The following PLEKHJ1 variants were observed in gnomAD, a reference collection of about 807,000 sequenced individuals.
PLEKHJ1 encodes the protein pleckstrin homology domain containing J1.
A neutral mutation model predicts 21.7 loss-of-function variants in PLEKHJ1; 20 were observed. The observed-to-expected ratio is 0.92, with a 90% CI of 0.65 to 1.34. The LOEUF (loss-of-function observed/expected upper bound fraction) is 1.34, where lower values mean the gene tolerates loss of function less well. PLEKHJ1 is among the 40% of genes most tolerant of loss of function. The probability of loss-of-function intolerance (pLI) is 0.00; values close to 1 mark genes in which losing one functional copy is unlikely to be tolerated. For missense variants in PLEKHJ1, 241 were observed against 202.0 expected (o/e 1.19, Z -1.17); for synonymous variants, 113 against 80.6 (o/e 1.40, Z -2.15).
downstream of PLEKHJ1, chr19:2,230,587 G>A: frequency 2.5e-6 from 1 of 398,704 alleles, no homozygotes; most frequent in African/African-American, 2.1e-5. Flanking sequence ...ATGCGGGGCA[G>A]GCCTGTCGTG....
In PLEKHJ1 at chr19:2,236,002, G is replaced by A. The variant is rs542705190; in HGVS notation, c.95-12C>T. 6.2e-7 allele frequency: 1 copy of A among 1,602,750 alleles called. No homozygotes were observed. Among genetic ancestry groups the A allele is most frequent in the South Asian group, 1.1e-5 (1 of 89,916 alleles). On this transcript the variant is annotated splice_polypyrimidine_tract_variant and intron_variant, in intron 1 of 5. Coordinates refer to ENST00000326631, the MANE Select transcript of PLEKHJ1 (RefSeq NM_018049.3). ...CCGCCGCTTCAGCACTGCGGGCACA[G>A]CGCGCACTCAGGGGCGCAGGCAGCC...
In PLEKHJ1 at chr19:2,234,281, C is replaced by T. The variant is rs2024717208; in HGVS notation, c.230-41G>A. 7 of 1,492,492 alleles carry T rather than the reference C, an allele frequency of 4.7e-6. No individual in the cohort carries two copies. The Middle Eastern group carries it at 5.2e-4, about 110-fold the overall frequency. The allele number at this position is 1,492,492 out of a possible 1,614,324, so 92.5% of individuals were successfully genotyped here. On this transcript the variant is annotated intron_variant, in intron 3 of 5. Coordinates refer to ENST00000326631, the MANE Select transcript of PLEKHJ1 (RefSeq NM_018049.3). The stretch of plus-strand genomic sequence containing the variant: ...CTGTGGTCGGTCCTACCCACAGCCA[C>T]AAGCAGCTTCCTCTTGCCATTGCCC...
At chr19:2,234,427 G>A in intron 3 of PLEKHJ1, 187 bp from the exon 4 acceptor site, 1 of 572,002 alleles carries the variant, frequency 1.7e-6, no homozygotes, top group South Asian at 2.3e-5. Flanking sequence ...AAATGAGGTT[G>A]TCGCCAGGTG....
At chr19:2,236,052 C>A in intron 1 of PLEKHJ1, 62 bp from the exon 2 acceptor site, 1 of 1,473,926 alleles carries the variant, frequency 6.8e-7, no homozygotes, top group Admixed American at 2.6e-5. Context: ...GGCCTCCCGT[C>A]CCCGGCGCCC....
At chr19:2,235,700 G>A (rs1270953652) in intron 3 of PLEKHJ1, 62 bp downstream of exon 3, 2 of 1,458,970 alleles carry the variant, frequency 1.4e-6, no homozygotes, top group Non-Finnish European at 1.9e-6. Context: ...GGAGGGGAAA[G>A]TGCGGCGCTG....
At position 2,233,893 on chromosome 19, in the gene PLEKHJ1, G is replaced by C; in HGVS notation, c.397C>G (p.Gln133Glu). 1 of 1,612,624 alleles carries C rather than the reference G, an allele frequency of 6.2e-7. No individual in the cohort carries two copies. Among genetic ancestry groups the C allele is most frequent in the Non-Finnish European group, 8.5e-7 (1 of 1,179,854 alleles). ...RKVTGKDPLE[Q>E]FGISEEARFQ... is the part of the protein sequence containing the mutation. ...CTGGCCTCCTCGGATATGCCGAACTGTTCCAGGGGGTCCTGTGGGGAGGAC... is the reference window on the plus strand; with the variant it reads ...CTGGCCTCCTCGGATATGCCGAACTCTTCCAGGGGGTCCTGTGGGGAGGAC... The change falls in exon 6 of 6, where the codon CAG (glutamine) becomes GAG (glutamate). Residue 133 changes from glutamine (Q) to glutamate (E), a missense_variant. By Grantham distance (29) the Gln-to-Glu change is conservative. Transcript: ENST00000326631.
At chr19:2,236,021 G>C in intron 1 of PLEKHJ1, 31 bp from the exon 2 acceptor site, 1 of 1,584,168 alleles carries the variant, frequency 6.3e-7, no homozygotes, top group Non-Finnish European at 8.6e-7. Context: ...CAGGGGCGCA[G>C]GCAGCCCCCG....
Position 2,235,778 on chromosome 19 carries a change from G to A in PLEKHJ1, c.213C>T (p.Pro71=), listed in dbSNP as rs2024789583. ...LERCRVVREE[P]GTFSISFIED... Reference sequence around the variant, plus strand: ...CCCACTCACTGATGGAGAAGGTGCCGGGCTCTTCCCGGACGACTCTGCAGC... The same window carrying A: ...CCCACTCACTGATGGAGAAGGTGCCAGGCTCTTCCCGGACGACTCTGCAGC... The change falls in exon 3 of 6, where the codon CCC becomes CCT. Residue 71 remains proline (P), a synonymous_variant. Coordinates refer to ENST00000326631, the MANE Select transcript of PLEKHJ1 (RefSeq NM_018049.3). 1.3e-6 allele frequency: 2 copies of A among 1,549,174 alleles called. No individual in the cohort carries two copies. The highest frequency in any genetic ancestry group is 1.2e-5 in the South Asian group (1 of 84,096).
At chr19:2,235,085 G>A (rs188886253) in intron 3 of PLEKHJ1, 2 of 152,294 alleles carry the variant, frequency 1.3e-5, no homozygotes, top group African/African-American at 2.4e-5. Flanking sequence ...CTGTGTAGAA[G>A]GGGAAATGTG....
In PLEKHJ1 at chr19:2,236,228, C is replaced by A; in HGVS notation, c.21G>T (p.Glu7Asp). The change falls in exon 1 of 6, where the codon GAG becomes GAT. Residue 7 changes from glutamate to aspartate, a missense_variant. By Grantham distance (45) the Glu-to-Asp change is conservative. Transcript: ENST00000326631. Reference sequence around the variant, plus strand: ...CCGGCTGCCGGGACAGAGCCTGCAGCTCCTTCTCGTTGTACCGCATGGCTC... The same window carrying A: ...CCGGCTGCCGGGACAGAGCCTGCAGATCCTTCTCGTTGTACCGCATGGCTC... MRYNEKELQALSRQPAE... is the reference protein window; with the variant it reads MRYNEKDLQALSRQPAE... 1 of 1,459,678 alleles carries A rather than the reference C, an allele frequency of 6.9e-7. No homozygotes were observed. The highest frequency in any genetic ancestry group is 2.9e-5 in the East Asian group (1 of 34,130). The allele number at this position is 1,459,678 out of a possible 1,614,324, so 90.4% of individuals were successfully genotyped here.
At position 2,234,214 on chromosome 19, in the gene PLEKHJ1, A is replaced by G. The variant is rs1368509667; in HGVS notation, c.256T>C (p.Tyr86His). 1.2e-6 allele frequency: 2 copies of G among 1,613,056 alleles called. No homozygotes were observed. The highest frequency in any genetic ancestry group is 2.2e-5 in the South Asian group (2 of 91,080). ...TCCTCGCTGCTGCACTCAAAGTGAT[A>G]CTTCCTCTCAGGGTCCTCAATGAAG... is the stretch of plus-strand genomic sequence containing the variant. ...ISFIEDPERK[Y>H]HFECSSEEQC... is the part of the protein sequence containing the mutation. Residue 86 changes from tyrosine (Y) to histidine (H), a missense_variant, in exon 4 of 6, where the codon TAT becomes CAT. Tyr to His is a moderately conservative substitution (Grantham distance 83). Transcript: ENST00000326631.
chr19:2,232,843 C>T (rs2024661045), downstream of PLEKHJ1, among the ~76,000 whole-genome samples: 1 of 152,202 alleles, frequency 6.6e-6, no homozygotes, highest in Non-Finnish European at 1.5e-5. Flanking sequence ...GATCTGCGAC[C>T]CCAATGACAT....
downstream of PLEKHJ1, among the ~76,000 whole-genome samples, chr19:2,232,895 A>G (rs896401851): frequency 6.6e-6 from 1 of 152,184 alleles, no homozygotes; most frequent in Non-Finnish European, 1.5e-5. Flanking sequence ...AAGCCCGCCC[A>G]GGCCCCAGCC....
exon 6 of PLEKHJ1, chr19:2,233,142 CCGCCATCCAGTGTGGAAAAGA>C (rs1201974436): frequency 6.6e-6 from 1 of 152,620 alleles, no homozygotes; most frequent in African/African-American, 2.4e-5. Flanking sequence ...CTTCACTTCA[CCGCCATCCAGTGTGGAAAAGA>C]GGTACCTTTA....
At chr19:2,232,730 C>G (rs1022315440), downstream of PLEKHJ1, among the ~76,000 whole-genome samples, 9 of 152,198 alleles carry the variant, frequency 5.9e-5, no homozygotes, top group Non-Finnish European at 8.8e-5. Context: ...ACCAGGACAC[C>G]CTGGCCTTGG....
chr19:2,232,059 G>A, downstream of PLEKHJ1: 1 of 212,112 alleles, frequency 4.7e-6, no homozygotes, highest in Non-Finnish European at 9.5e-6. Context: ...TGTGTGGCGG[G>A]TGGCAGGGTG....
chr19:2,233,588 T>C lies in PLEKHJ1; in HGVS notation c.*252A>G, dbSNP rs1327752400. 1.8e-6 allele frequency: 1 copy of C among 543,510 alleles called. No individual in the cohort carries two copies. Among genetic ancestry groups the C allele is most frequent in the Non-Finnish European group, 3.2e-6 (1 of 307,790 alleles). 33.7% of individuals were successfully genotyped at this position (543,510 alleles called of 1,614,324 possible). On this transcript the variant is annotated 3_prime_UTR_variant, in exon 6 of 6. Transcript: ENST00000326631. ...AAACCTCCCACTGAAAATCCAGGTG[T>C]GATGGCCGGGTGTGGCGGCTCATGC...
chr19:2,231,376 C>T (rs549269394), downstream of PLEKHJ1: 10 of 206,642 alleles, frequency 4.8e-5, no homozygotes, highest in East Asian at 1.5e-4. Flanking sequence ...ATCCCTACCA[C>T]GTGGCCTCCA....
chr19:2,236,066 C>T (rs1053169203), intron 1 of PLEKHJ1, 76 bp from the exon 2 acceptor site: 113 of 1,443,026 alleles, frequency 7.8e-5, no homozygotes, highest in Middle Eastern at 2.3e-4. Context: ...GGCGCCCCGA[C>T]CCGGACTCCG....
Sources: allele counts gnomAD v4.1 joint callset (sites outside exome capture counted in the v4.1 genomes callset), GRCh38; gene constraint gnomAD v4.1.1; transcripts MANE v1.5; gene names NCBI Gene and HGNC (gene_info 2026-07-23, HGNC 2026-07-21).